Variants in LNPK observed in about 807,000 individuals in gnomAD.
The protein encoded by LNPK is endoplasmic reticulum junction formation protein lunapark.
LNPK carries 29 observed loss-of-function variants against 55.2 expected under a neutral mutation model. The ratio of observed to expected loss-of-function variants is 0.53; its 90% CI spans 0.39 to 0.72. The LOEUF (loss-of-function observed/expected upper bound fraction) is 0.72, where lower values mean the gene tolerates loss of function less well. Ranked by LOEUF, LNPK falls within the 30% of genes least tolerant of loss-of-function variation. LNPK has a pLI of 0.00. For missense variants in LNPK, 467 were observed against 494.8 expected (o/e 0.94, Z 0.53); for synonymous variants, 162 against 168.2 (o/e 0.96, Z 0.29).
intron 4 of LNPK, among the ~76,000 whole-genome samples, chr2:175,983,393 A>G (rs538951575): frequency 6.6e-6 from 1 of 152,216 alleles, no homozygotes; most frequent in African/African-American, 2.4e-5. Flanking sequence ...ATCATAAGGA[A>G]AATTCTAGTT....
intron 3 of LNPK, 69 bp from the exon 4 acceptor site, chr2:175,992,487 T>C (rs1170489642): frequency 6.3e-6 from 6 of 952,664 alleles, no homozygotes; most frequent in Non-Finnish European, 8.9e-6. Flanking sequence ...TGTTAAAAAA[T>C]TTTAGCAGGA....
At chr2:175,938,182 A>T in intron 11 of LNPK, 131 bp downstream of exon 11, 3 of 581,462 alleles carry the variant, frequency 5.2e-6, no homozygotes, top group Non-Finnish European at 9.2e-6. Flanking sequence ...TATGTACTAA[A>T]ATAAGGATAA....
chr2:175,953,984 C>T (rs1438267692), intron 8 of LNPK, among the ~76,000 whole-genome samples: 5 of 152,056 alleles, frequency 3.3e-5, no homozygotes, highest in African/African-American at 4.8e-5. Context: ...TGTAGTGCCT[C>T]GAGGTGCCAA....
chr2:175,995,496 A>G (rs1687888379), intron 2 of LNPK, 62 bp downstream of exon 2: 4 of 1,335,274 alleles, frequency 3.0e-6, no homozygotes, highest in Admixed American at 4.1e-5. Flanking sequence ...ACTTTCACAA[A>G]TAGCTTTATG....
In LNPK at chr2:175,951,607, A is replaced by ATATATATATC. The variant is rs972901665; in HGVS notation, c.494-3916_494-3915insGATATATATA. Among the ~76,000 whole-genome samples the ATATATATATC allele has an allele frequency of 3.1e-4, 38 of 121,732 alleles. 1 individual carries two copies. Among genetic ancestry groups the ATATATATATC allele is most frequent in the Non-Finnish European group, 4.5e-4 (24 of 53,062 alleles). 79.9% of individuals were successfully genotyped at this position (121,732 alleles called of 152,430 possible). A position where few individuals can be genotyped will look rare whatever the true frequency, so the allele number is the denominator to read the frequency against. ...TTCATATATATATATATATATATAT[A>ATATATATATC]TATCTCAGTTTCTTTATCCACTCAT... On this transcript the variant is annotated intron_variant, in intron 8 of 12. Coordinates refer to ENST00000272748, the MANE Select transcript of LNPK (RefSeq NM_030650.3).
At chr2:175,938,670 C>G (rs759280113) in intron 10 of LNPK, 8 of 198,916 alleles carry the variant, frequency 4.0e-5, no homozygotes, top group Non-Finnish European at 8.0e-5. Context: ...TATTTGACAA[C>G]TGAACACTTA....
intron 4 of LNPK, among the ~76,000 whole-genome samples, chr2:175,986,661 T>C (rs551727109): frequency 6.6e-6 from 1 of 152,210 alleles, no homozygotes; most frequent in South Asian, 2.1e-4. Flanking sequence ...TATAATCCCT[T>C]TGTATCAAGA....
chr2:175,957,186 C>T lies in LNPK; in HGVS notation c.493+7186G>A, dbSNP rs187534021. On this transcript the variant is annotated intron_variant, in intron 8 of 12. Transcript: ENST00000272748. Reference sequence around the variant, plus strand: ...CAGCCTGGCTGACATGGTGAAACCCCGTATCTACTAAAACTACAAAAATTA... The same window carrying T: ...CAGCCTGGCTGACATGGTGAAACCCTGTATCTACTAAAACTACAAAAATTA... 8.2e-3 allele frequency among the ~76,000 whole-genome samples: 1,251 copies of T among 151,920 alleles called. 13 individuals carry two copies. The highest frequency in any genetic ancestry group is 0.014 in the Non-Finnish European group (972 of 67,960).
chr2:175,949,330 T>C (rs1487435074), intron 8 of LNPK, among the ~76,000 whole-genome samples: 2 of 152,136 alleles, frequency 1.3e-5, no homozygotes, highest in Non-Finnish European at 2.9e-5. Context: ...TAATAGGTGG[T>C]TGCATATTAG....
chr2:175,959,473 T>C (rs1574849078), intron 8 of LNPK, among the ~76,000 whole-genome samples: 1 of 152,054 alleles, frequency 6.6e-6, no homozygotes, highest in East Asian at 1.9e-4. Context: ...GCTTCATAAG[T>C]GAAGGAGAAA....
intron 9 of LNPK, among the ~76,000 whole-genome samples, chr2:175,946,036 C>A (rs2592502): frequency 1.3e-5 from 2 of 151,954 alleles, no homozygotes; most frequent in Non-Finnish European, 2.9e-5. Context: ...TTATTTAACT[C>A]ATTCACATTT....
chr2:175,972,759 A>G (rs1173819247), intron 5 of LNPK, among the ~76,000 whole-genome samples: 1 of 152,204 alleles, frequency 6.6e-6, no homozygotes, highest in East Asian at 1.9e-4. Context: ...TAGGATTTTA[A>G]TTGAGCATAT....
At chr2:176,002,468 G>A, upstream of LNPK, 1 of 296,430 alleles carries the variant, frequency 3.4e-6, no homozygotes. Context: ...TCGCAGTTAT[G>A]TACTGCCATT....
intron 1 of LNPK, among the ~76,000 whole-genome samples, chr2:175,996,893 G>C (rs1323935841): frequency 6.6e-6 from 1 of 152,144 alleles, no homozygotes; most frequent in African/African-American, 2.4e-5. Context: ...AATGGTAAAA[G>C]TATAATTTCA....
chr2:175,957,724 C>A (rs1442174323), intron 8 of LNPK, among the ~76,000 whole-genome samples: 8 of 152,108 alleles, frequency 5.3e-5, no homozygotes, highest in Admixed American at 5.2e-4. Flanking sequence ...TGGGTGCAGC[C>A]CACAGACGAT....
At chr2:175,988,246 A>T (rs1219075983) in intron 4 of LNPK, among the ~76,000 whole-genome samples, 3 of 152,154 alleles carry the variant, frequency 2.0e-5, no homozygotes, top group Non-Finnish European at 4.4e-5. Flanking sequence ...TCATGCCTGT[A>T]ATACCAACAC....
rs567028168 is a variant in LNPK at position 175,998,229 on chromosome 2, G to A, written c.-62-2583C>T. On this transcript the variant is annotated intron_variant, in intron 1 of 12. Transcript: ENST00000272748. The stretch of plus-strand genomic sequence containing the variant: ...GAGGCCGAGGCGGGTGGATCACAAG[G>A]TCAAGAGTTCAAGACCAGCCTGGCC... Among the ~76,000 whole-genome samples the A allele has an allele frequency of 2.3e-3, 356 of 152,048 alleles. 1 individual carries two copies. Among genetic ancestry groups the A allele is most frequent in the Non-Finnish European group, 4.0e-3 (272 of 67,966 alleles).
At chr2:175,959,382 C>G (rs545066438) in intron 8 of LNPK, among the ~76,000 whole-genome samples, 1 of 152,208 alleles carries the variant, frequency 6.6e-6, no homozygotes, top group Admixed American at 6.5e-5. Flanking sequence ...GCAGAAACTA[C>G]GAGACAGAAG....
intron 10 of LNPK, chr2:175,938,824 T>C (rs976602974): frequency 1.3e-5 from 2 of 152,454 alleles, no homozygotes; most frequent in African/African-American, 4.8e-5. Context: ...AACAAACATA[T>C]TTAATTTTGT....
Sources: allele counts gnomAD v4.1 joint callset (sites outside exome capture counted in the v4.1 genomes callset), GRCh38; gene constraint gnomAD v4.1.1; transcripts MANE v1.5; gene names NCBI Gene and HGNC (gene_info 2026-07-23, HGNC 2026-07-21).